Variants in ASH1L observed in about 807,000 individuals in gnomAD.
The protein encoded by ASH1L is histone-lysine N-methyltransferase ASH1L.
Under a neutral mutation model 269.0 loss-of-function variants are expected in ASH1L, and 23 were observed. That is an observed-to-expected ratio of 0.09 (90% CI 0.06 to 0.12). The LOEUF is 0.12. Ranked by LOEUF, ASH1L falls within the 10% of genes least tolerant of loss-of-function variation. The probability of loss-of-function intolerance (pLI) is 1.00; values close to 1 mark genes in which losing one functional copy is unlikely to be tolerated. For synonymous variants in ASH1L, 1,187 were observed against 1,253.5 expected (o/e 0.95, Z 1.12); for missense variants, 2,912 against 3,567.8 (o/e 0.82, Z 4.68).
chr1:155,431,766 T>C (rs1204364106), intron 5 of ASH1L, among the ~76,000 whole-genome samples: 5 of 151,978 alleles, frequency 3.3e-5, no homozygotes, highest in South Asian at 4.2e-4. Context: ...CTGTCTAAAA[T>C]AAACAAACAA....
At position 155,500,538 on chromosome 1, in the gene ASH1L, A is replaced by T. The variant is rs139942022; in HGVS notation, c.421-18089T>A. On this transcript the variant is annotated intron_variant, in intron 2 of 27. Coordinates refer to ENST00000392403, the MANE Select transcript of ASH1L (RefSeq NM_018489.3). The stretch of plus-strand genomic sequence containing the variant: ...CAGCAGTCAAATAATGTAGACATGC[A>T]TTCTGGACCTCTTCATAAATAGGCA... Among the ~76,000 whole-genome samples, 596 of 152,276 alleles carry T rather than the reference A, an allele frequency of 3.9e-3. 1 individual carries two copies. Among genetic ancestry groups the T allele is most frequent in the Non-Finnish European group, 7.5e-3 (507 of 68,030 alleles).
intron 1 of ASH1L, among the ~76,000 whole-genome samples, chr1:155,521,853 A>C (rs1221506396): frequency 2.6e-5 from 4 of 152,208 alleles, no homozygotes; most frequent in African/African-American, 9.6e-5. Flanking sequence ...GTATGGTGCA[A>C]ATGCAAATTT....
intron 4 of ASH1L, among the ~76,000 whole-genome samples, chr1:155,444,905 C>G (rs1326844950): frequency 7.3e-6 from 1 of 137,930 alleles, no homozygotes; most frequent in Non-Finnish European, 1.5e-5. Context: ...GCGTGAGCCA[C>G]CGCGCCCGGC....
chr1:155,344,236 G>T lies in ASH1L; in HGVS notation c.7928C>A (p.Pro2643His). The T allele has an allele frequency of 6.2e-7, 1 of 1,614,166 alleles. No individual in the cohort carries two copies. The highest frequency in any genetic ancestry group is 8.5e-7 in the Non-Finnish European group (1 of 1,180,034). ...PMIPRPHYAQ[P>H]GCVYFICLLR... ...CAAACAGATGAAGTAGACACAGCCA[G>T]GTTGGGCATAGTGGGGCCGAGGGAT... The change falls in exon 22 of 28, where the codon CCT (proline) becomes CAT (histidine). Residue 2643 changes from proline (P) to histidine (H), a missense_variant. This residue lies in a region of ASH1L where 179 missense variants were observed against 293.8 expected (regional missense o/e 0.61). Transcript: ENST00000392403.
intron 4 of ASH1L, among the ~76,000 whole-genome samples, chr1:155,441,544 G>A (rs895670089): frequency 7.9e-6 from 1 of 126,376 alleles, no homozygotes; most frequent in Admixed American, 1.1e-4. Context: ...CTCACTGCAA[G>A]CTCCACCTCC....
chr1:155,499,483 G>C (rs1292469879), intron 2 of ASH1L, among the ~76,000 whole-genome samples: 2 of 152,158 alleles, frequency 1.3e-5, no homozygotes, highest in Admixed American at 1.3e-4. Flanking sequence ...CACAAAGTGA[G>C]GTCAGAGAGG....
At chr1:155,451,130 G>A (rs1663428847) in intron 4 of ASH1L, among the ~76,000 whole-genome samples, 1 of 149,846 alleles carries the variant, frequency 6.7e-6, no homozygotes, top group South Asian at 2.1e-4. Flanking sequence ...CCAGGAGGTA[G>A]AGGTTGCAGT....
intron 25 of ASH1L, among the ~76,000 whole-genome samples, chr1:155,340,007 G>A (rs984401544): frequency 1.3e-5 from 2 of 152,070 alleles, no homozygotes; most frequent in African/African-American, 4.8e-5. Flanking sequence ...CATGACTGTA[G>A]TTAAGGCTGG....
chr1:155,428,442 C>CAA lies in ASH1L; in HGVS notation c.5828+9883_5828+9884dup, dbSNP rs35203262. On this transcript the variant is annotated intron_variant, in intron 5 of 27. Coordinates refer to ENST00000392403, the MANE Select transcript of ASH1L (RefSeq NM_018489.3). ...AGGCGACAACAATGAAATTCCGTCT[C>CAA]AAAAAAAAAAATATATATATATATG... Among the ~76,000 whole-genome samples, 1,344 of 145,774 alleles carry CAA rather than the reference C, an allele frequency of 9.2e-3. 7 individuals are homozygous for CAA. Among genetic ancestry groups the CAA allele is most frequent in the Middle Eastern group, 0.021 (6 of 286 alleles).
At chr1:155,440,696 C>T (rs940148610) in intron 4 of ASH1L, 5 of 156,542 alleles carry the variant, frequency 3.2e-5, no homozygotes, top group African/African-American at 1.2e-4. Flanking sequence ...CTGTCTGACT[C>T]TCTATTCTCT....
intron 4 of ASH1L, among the ~76,000 whole-genome samples, chr1:155,445,376 G>C (rs1558114353): frequency 6.6e-6 from 1 of 152,030 alleles, no homozygotes; most frequent in Non-Finnish European, 1.5e-5. Flanking sequence ...GTAGAGATGG[G>C]GTTTTGCCAT....
At chr1:155,484,481 C>T (rs1477885472) in intron 2 of ASH1L, among the ~76,000 whole-genome samples, 1 of 152,014 alleles carries the variant, frequency 6.6e-6, no homozygotes, top group African/African-American at 2.4e-5. Context: ...GAGCAAGACT[C>T]TGTCTCAAAA....
At chr1:155,373,234 A>C (rs1488371202) in intron 10 of ASH1L, among the ~76,000 whole-genome samples, 1 of 150,606 alleles carries the variant, frequency 6.6e-6, no homozygotes, top group African/African-American at 2.4e-5. Flanking sequence ...AAAAAAAAAC[A>C]AAAAAAAACT....
intron 5 of ASH1L, among the ~76,000 whole-genome samples, chr1:155,424,170 A>G (rs1214523898): frequency 6.6e-6 from 1 of 152,158 alleles, no homozygotes; most frequent in Non-Finnish European, 1.5e-5. Flanking sequence ...GGCACTTCAT[A>G]TAGGTCTCAT....
intron 2 of ASH1L, among the ~76,000 whole-genome samples, chr1:155,515,117 G>A (rs1054633879): frequency 1.3e-5 from 2 of 152,058 alleles, no homozygotes; most frequent in Non-Finnish European, 2.9e-5. Context: ...CACCTGAGAC[G>A]TATGCTCAGC....
chr1:155,343,097 T>TTAAAAAA lies in ASH1L; in HGVS notation c.8293+216_8293+217insTTTTTTA. 1 of 476,570 alleles carries TTAAAAAA rather than the reference T, an allele frequency of 2.1e-6. No individual in the cohort carries two copies. The highest frequency in any genetic ancestry group is 3.8e-5 in the Admixed American group (1 of 26,128). The allele number at this position is 476,570 out of a possible 1,614,324, so 29.5% of individuals were successfully genotyped here. A position where few individuals can be genotyped will look rare whatever the true frequency, so the allele number is the denominator to read the frequency against. On this transcript the variant is annotated intron_variant, in intron 24 of 27. Transcript: ENST00000392403. This position sits in a 1 kb window ranked among gnomAD's most constrained non-coding sequence, Gnocchi z 6.1. ...TGCGATCTTGGCTCACTGCAACCTCTGCCTCCCAGGCTCAGCAATCCTCCC... is the reference window on the plus strand; with the variant it reads ...TGCGATCTTGGCTCACTGCAACCTCTTAAAAAAGCCTCCCAGGCTCAGCAATCCTCCC...
Position 155,548,962 on chromosome 1 carries a change from C to T in ASH1L, c.-100+13191G>A, listed in dbSNP as rs114131569. On this transcript the variant is annotated intron_variant, in intron 1 of 27. Coordinates refer to ENST00000392403, the MANE Select transcript of ASH1L (RefSeq NM_018489.3). ...TCACATACGAGGATTCAACCAACCA[C>T]GGATCAAAAATATTCCAGGGGCAGG... 6.2e-3 allele frequency among the ~76,000 whole-genome samples: 937 copies of T among 152,254 alleles called. 10 individuals are homozygous for T. Among genetic ancestry groups the T allele is most frequent in the African/African-American group, 0.022 (908 of 41,542 alleles).
intron 7 of ASH1L, among the ~76,000 whole-genome samples, chr1:155,382,469 G>C (rs1269367295): frequency 1.3e-5 from 2 of 152,204 alleles, no homozygotes; most frequent in Non-Finnish European, 2.9e-5. Flanking sequence ...CTGCACTCCA[G>C]CCTGGGCGAC....
Position 155,438,633 on chromosome 1 carries a change from G to C in ASH1L, c.5522C>G (p.Thr1841Arg). The stretch of plus-strand genomic sequence containing the variant: ...CCTACGTTTCACAAAGTTATTCCCT[G>C]TCCTGGCCTGCCTTTGAAGTTTTTT... ...KAKKLQRQAR[T>R]GNNFVKRRPG... The change falls in exon 5 of 28, where the codon ACA becomes AGA. Residue 1841 changes from threonine (T) to arginine (R), a missense_variant. Coordinates refer to ENST00000392403, the MANE Select transcript of ASH1L (RefSeq NM_018489.3). 1 of 1,614,202 alleles carries C rather than the reference G, an allele frequency of 6.2e-7. No homozygotes were observed. Among genetic ancestry groups the C allele is most frequent in the Non-Finnish European group, 8.5e-7 (1 of 1,180,042 alleles).
Sources: gnomAD v4.1 joint callset for allele counts (sites outside exome capture counted in the v4.1 genomes callset) on GRCh38, gnomAD v4.1.1 for gene constraint, gnomAD v4.1.1 regional missense constraint, Gnocchi (gnomAD v3.1) non-coding constraint, MANE v1.5 for transcripts, NCBI Gene and HGNC (gene_info 2026-07-23, HGNC 2026-07-21) for gene names.